OPCML: variants seen among roughly 807,000 people sequenced by gnomAD.
OPCML encodes opioid-binding protein/cell adhesion molecule.
In OPCML, 13 loss-of-function variants were observed where a neutral mutation model predicts 37.8. The observed-to-expected ratio is 0.34, with a 90% confidence interval of 0.22 to 0.55. The LOEUF (loss-of-function observed/expected upper bound fraction) is 0.55. Ranked by LOEUF, OPCML falls within the 20% of genes least tolerant of loss-of-function variation. OPCML has a pLI of 0.91. For synonymous variants in OPCML, 176 were observed against 168.8 expected, an observed-to-expected ratio of 1.04 and a Z score of -0.33; for missense variants, 341 against 435.6, an observed-to-expected ratio of 0.78 and a Z score of 1.93.
intron 3 of OPCML, among the ~76,000 whole-genome samples, chr11:132,618,514 A>C (rs1396115750): frequency 6.6e-6 from 1 of 152,048 alleles, no homozygotes; most frequent in Non-Finnish European, 1.5e-5. Context: ...AAAAACAAAA[A>C]TACTTCTCAA....
intron 4 of OPCML, among the ~76,000 whole-genome samples, chr11:132,517,264 AG>A (rs1428840614): frequency 2.6e-5 from 4 of 152,304 alleles, no homozygotes; most frequent in African/African-American, 4.8e-5. Flanking sequence ...ATTTTACCCT[AG>A]GGATGTAGAG....
At chr11:133,015,427 GGAATGAAGGAAGGAAGGAAGGAAGGAAT>G (rs1565398886) in intron 1 of OPCML, among the ~76,000 whole-genome samples, 9 of 103,680 alleles carry the variant, frequency 8.7e-5, no homozygotes, top group African/African-American at 3.4e-4. Context: ...AAGGAAGGAA[GGAATGAAGGAAGGAAGGAAGGAAGGAAT>G]GAAGGAAGGA....
chr11:133,441,246 T>C (rs1946360222), intron 1 of OPCML, among the ~76,000 whole-genome samples: 1 of 151,618 alleles, frequency 6.6e-6, no homozygotes, highest in Non-Finnish European at 1.5e-5. Flanking sequence ...AAGAATGACA[T>C]GAAAATTTTG....
intron 1 of OPCML, chr11:133,007,359 G>C (rs763682939): frequency 3.5e-5 from 34 of 985,336 alleles, no homozygotes; most frequent in Non-Finnish European, 3.9e-5. Context: ...TTATCTGTGT[G>C]ATTAGCTCAG....
chr11:133,031,948 T>A (rs1195171051), intron 1 of OPCML, among the ~76,000 whole-genome samples: 1 of 152,228 alleles, frequency 6.6e-6, no homozygotes, highest in East Asian at 1.9e-4. Flanking sequence ...TTTGTTTTTT[T>A]CTGTACATTA....
rs143763059 is a variant in OPCML, at chr11:132,474,185, A to G, written c.506-36826T>C. On this transcript the variant is annotated intron_variant, in intron 4 of 7. Coordinates refer to ENST00000524381, the MANE Select transcript of OPCML (RefSeq NM_001012393.5). ...AAATCATAATCACAGAGTCAGAAACATTAGTGATAGAGAGAGATGGATTGG... is the reference window on the plus strand; with the variant it reads ...AAATCATAATCACAGAGTCAGAAACGTTAGTGATAGAGAGAGATGGATTGG... 1.6e-4 allele frequency among the ~76,000 whole-genome samples: 24 copies of G among 152,268 alleles called. No individual in the cohort carries two copies. In the East Asian group the frequency reaches 2.3e-3, roughly 15 times the overall value.
intron 3 of OPCML, among the ~76,000 whole-genome samples, chr11:132,597,551 T>C (rs1285017349): frequency 2.6e-5 from 4 of 152,182 alleles, no homozygotes; most frequent in Non-Finnish European, 5.9e-5. Context: ...AGGACTTCGA[T>C]CTCCTCAAAG....
At chr11:132,862,053 C>A (rs367877444) in intron 2 of OPCML, among the ~76,000 whole-genome samples, 2 of 151,894 alleles carry the variant, frequency 1.3e-5, no homozygotes, top group Non-Finnish European at 2.9e-5. Flanking sequence ...TGTTTACCAG[C>A]CTTTAAATTT....
At chr11:133,225,105 A>G (rs934869377) in intron 1 of OPCML, among the ~76,000 whole-genome samples, 2 of 152,240 alleles carry the variant, frequency 1.3e-5, no homozygotes, top group African/African-American at 4.8e-5. Flanking sequence ...ATTATGACAC[A>G]GTAGTAATAA....
rs1231704538 is a variant in OPCML, at chr11:132,605,102, T to G, written c.379+51985A>C. 2.6e-5 allele frequency among the ~76,000 whole-genome samples: 4 copies of G among 152,204 alleles called. No homozygotes were observed. In the East Asian group the frequency reaches 7.7e-4, roughly 29 times the overall value. ...GTCACACGCCAGCTGTGTGACTTGGTGAGGCATTAAGTTTCTCTGAGCTTA... is the reference window on the plus strand; with the variant it reads ...GTCACACGCCAGCTGTGTGACTTGGGGAGGCATTAAGTTTCTCTGAGCTTA... On this transcript the variant is annotated intron_variant, in intron 3 of 7. Coordinates refer to ENST00000524381, the MANE Select transcript of OPCML (RefSeq NM_001012393.5).
rs367818885 is a variant in OPCML at position 133,366,800 on chromosome 11, A to G, written c.61+165464T>C. On this transcript the variant is annotated intron_variant, in intron 1 of 7. Coordinates refer to ENST00000524381, the MANE Select transcript of OPCML (RefSeq NM_001012393.5). ...CACATGTAAGAGCTACCTATTTAAG[A>G]GATGAGTGTAAAACTATGATTCTGT... is the stretch of plus-strand genomic sequence containing the variant. Among the ~76,000 whole-genome samples, 24 of 152,314 alleles carry G rather than the reference A, an allele frequency of 1.6e-4. No homozygotes were observed. The South Asian group carries it at 5.0e-3, about 32-fold the overall frequency.
At chr11:132,695,328 A>T (rs2135903658) in intron 2 of OPCML, among the ~76,000 whole-genome samples, 1 of 152,212 alleles carries the variant, frequency 6.6e-6, no homozygotes, top group South Asian at 2.1e-4. Flanking sequence ...GTCTAGGGGG[A>T]AAGGCAGTGA....
At chr11:132,872,426 A>G (rs546884317) in intron 2 of OPCML, among the ~76,000 whole-genome samples, 1 of 152,050 alleles carries the variant, frequency 6.6e-6, no homozygotes, top group East Asian at 1.9e-4. Flanking sequence ...CACTCGTGAC[A>G]CCCTCCCCAC....
chr11:132,654,506 TTCCCCAAGAGAAGCTCC>T lies in OPCML; in HGVS notation c.379+2564_379+2580del, dbSNP rs1165031494. Among the ~76,000 whole-genome samples the T allele has an allele frequency of 1.5e-3, 159 of 105,214 alleles. No individual in the cohort carries two copies. In the South Asian group the frequency reaches 0.022, roughly 15 times the overall value. 69.0% of individuals were successfully genotyped at this position (105,214 alleles called of 152,430 possible). On this transcript the variant is annotated intron_variant, in intron 3 of 7. Coordinates refer to ENST00000524381, the MANE Select transcript of OPCML (RefSeq NM_001012393.5). ...GGAAGCTCCTCCCCAAGAGAAGCTC[TTCCCCAAGAGAAGCTCC>T]TCCCCAAGAGAAGCTCCTCCCCAAG...
At chr11:132,835,638 C>G (rs181919627) in intron 2 of OPCML, among the ~76,000 whole-genome samples, 2 of 152,336 alleles carry the variant, frequency 1.3e-5, no homozygotes, top group Non-Finnish European at 2.9e-5. Context: ...GGTGGGATAC[C>G]TGTGTTTTAC....
chr11:133,081,566 T>C (rs529933188), intron 1 of OPCML, among the ~76,000 whole-genome samples: 7 of 152,312 alleles, frequency 4.6e-5, no homozygotes, highest in Admixed American at 3.9e-4. Flanking sequence ...CTGGAGTAGA[T>C]TGACTTCTCT....
At chr11:132,528,237 G>C (rs746076389) in intron 4 of OPCML, among the ~76,000 whole-genome samples, 7 of 148,198 alleles carry the variant, frequency 4.7e-5, no homozygotes, top group African/African-American at 1.8e-4. Flanking sequence ...CTTTCTTGTA[G>C]ATCAATATTA....
rs910924291 is a variant in OPCML, at chr11:133,173,685, G to A, written c.62-230675C>T. Among the ~76,000 whole-genome samples the A allele has an allele frequency of 5.9e-5, 9 of 152,252 alleles. No individual in the cohort carries two copies. Among genetic ancestry groups the A allele is most frequent in the East Asian group, 3.9e-4 (2 of 5,172 alleles). ...TAGACACCTCCCTGCAGATAATAACGAGAACCATCAGCACCGACTTAGCTT... is the reference window on the plus strand; with the variant it reads ...TAGACACCTCCCTGCAGATAATAACAAGAACCATCAGCACCGACTTAGCTT... On this transcript the variant is annotated intron_variant, in intron 1 of 7. Coordinates refer to ENST00000524381, the MANE Select transcript of OPCML (RefSeq NM_001012393.5). This position sits in a 1 kb window ranked among gnomAD's most constrained non-coding sequence, Gnocchi z 7.8.
chr11:132,997,012 C>T (rs887212150), intron 1 of OPCML, among the ~76,000 whole-genome samples: 14 of 152,168 alleles, frequency 9.2e-5, no homozygotes, highest in Admixed American at 3.3e-4. Flanking sequence ...GTTAGGGAGC[C>T]TGGTATCTCT....
Sources: allele counts gnomAD v4.1 joint callset (sites outside exome capture counted in the v4.1 genomes callset), GRCh38; gene constraint gnomAD v4.1.1; non-coding constraint Gnocchi (gnomAD v3.1); transcripts MANE v1.5; gene names NCBI Gene and HGNC (gene_info 2026-07-23, HGNC 2026-07-21).